SLC22A15: variants seen among roughly 807,000 people sequenced by gnomAD.
SLC22A15 encodes the protein solute carrier family 22 member 15, also known as flipt 1.
A neutral mutation model predicts 62.7 loss-of-function variants in SLC22A15; 45 were observed. The ratio of observed to expected loss-of-function variants is 0.72; its 90% CI spans 0.56 to 0.92. SLC22A15 has a LOEUF of 0.92. SLC22A15 is among the 40% of genes least tolerant of loss of function. The pLI is 0.00. For synonymous variants in SLC22A15, 264 were observed against 267.0 expected (o/e 0.99, Z 0.11); for missense variants, 622 against 665.6 (o/e 0.93, Z 0.72).
At chr1:116,046,316 ACAC>A (rs1657929031) in intron 8 of SLC22A15, among the ~76,000 whole-genome samples, 1 of 152,228 alleles carries the variant, frequency 6.6e-6, no homozygotes, top group Non-Finnish European at 1.5e-5. Flanking sequence ...GAAAAGTAAG[ACAC>A]AAACTGGGAG....
Position 116,011,795 on chromosome 1 carries a change from G to C in SLC22A15, c.301-7787G>C, listed in dbSNP as rs1003646112. On this transcript the variant is annotated intron_variant, in intron 2 of 11. Coordinates refer to ENST00000369503, the MANE Select transcript of SLC22A15 (RefSeq NM_018420.3). Reference sequence around the variant, plus strand: ...GGGGGAGGAGGTGGGGATGCAAGTGGGGAGTGGGGAGAGGAGGGCACAGTG... The same window carrying C: ...GGGGGAGGAGGTGGGGATGCAAGTGCGGAGTGGGGAGAGGAGGGCACAGTG... 2.0e-5 allele frequency among the ~76,000 whole-genome samples: 3 copies of C among 152,288 alleles called. No homozygotes were observed. In the South Asian group the frequency reaches 6.2e-4, roughly 32 times the overall value.
intron 5 of SLC22A15, 68 bp downstream of exon 5, chr1:116,027,090 C>T: frequency 1.4e-6 from 2 of 1,448,984 alleles, no homozygotes; most frequent in Non-Finnish European, 9.6e-7. Flanking sequence ...GGATGTGGGT[C>T]AATGAGCAGC....
At chr1:116,033,966 CTCT>C (rs1570756532) in intron 6 of SLC22A15, among the ~76,000 whole-genome samples, 1 of 152,192 alleles carries the variant, frequency 6.6e-6, no homozygotes, top group Admixed American at 6.5e-5. Context: ...TTACATCTCT[CTCT>C]TCTTACATTA....
At chr1:116,003,005 T>C (rs1390649033) in intron 2 of SLC22A15, among the ~76,000 whole-genome samples, 2 of 152,212 alleles carry the variant, frequency 1.3e-5, no homozygotes, top group Non-Finnish European at 2.9e-5. Context: ...TGGTGACTGC[T>C]GCCTGGCTAC....
At chr1:116,017,890 C>T (rs1656619027) in intron 2 of SLC22A15, among the ~76,000 whole-genome samples, 1 of 152,178 alleles carries the variant, frequency 6.6e-6, no homozygotes, top group African/African-American at 2.4e-5. Flanking sequence ...TCATCTTTAA[C>T]ACATCACTAG....
intron 1 of SLC22A15, among the ~76,000 whole-genome samples, chr1:115,977,943 C>T (rs1040334633): frequency 2.0e-5 from 3 of 152,156 alleles, no homozygotes; most frequent in African/African-American, 7.2e-5. Flanking sequence ...CTTTTTCTAG[C>T]CGAACAGTTC....
intron 9 of SLC22A15, 99 bp from the exon 10 acceptor site, chr1:116,064,337 C>T (rs944594226): frequency 3.8e-6 from 3 of 781,994 alleles, no homozygotes; most frequent in African/African-American, 1.7e-5. Flanking sequence ...CCTGTGCTTC[C>T]ACTTCAGGAC....
At chr1:116,037,183 C>A in intron 7 of SLC22A15, 120 bp from the exon 8 acceptor site, 3 of 809,342 alleles carry the variant, frequency 3.7e-6, no homozygotes, top group Non-Finnish European at 4.1e-6. Context: ...TGCCACTTAG[C>A]CTTAAGAGGA....
At chr1:116,043,862 A>C (rs1272339106) in intron 8 of SLC22A15, among the ~76,000 whole-genome samples, 3 of 152,208 alleles carry the variant, frequency 2.0e-5, no homozygotes, top group Non-Finnish European at 4.4e-5. Flanking sequence ...TAAAATGGGC[A>C]AATTTCTTGA....
At chr1:116,038,780 CA>C (rs1177407632) in intron 8 of SLC22A15, among the ~76,000 whole-genome samples, 5 of 151,976 alleles carry the variant, frequency 3.3e-5, no homozygotes, top group African/African-American at 4.8e-5. Context: ...AATTCAGTTT[CA>C]TTTTTTTTTT....
chr1:115,982,161 C>G (rs1654640124), intron 1 of SLC22A15, among the ~76,000 whole-genome samples: 1 of 152,216 alleles, frequency 6.6e-6, no homozygotes, highest in African/African-American at 2.4e-5. Flanking sequence ...AAAAGACTCT[C>G]AAATCCAAAG....
At chr1:116,029,767 C>CA (rs1657301218) in intron 5 of SLC22A15, among the ~76,000 whole-genome samples, 1 of 152,120 alleles carries the variant, frequency 6.6e-6, no homozygotes, top group African/African-American at 2.4e-5. Context: ...TTTGAAAACA[C>CA]AGAGAGGCTA....
chr1:116,025,013 G>C (rs1657020480), intron 4 of SLC22A15, among the ~76,000 whole-genome samples: 1 of 151,804 alleles, frequency 6.6e-6, no homozygotes, highest in Non-Finnish European at 1.5e-5. Context: ...TTTTTTTGAG[G>C]TTAATAAATA....
chr1:116,062,422 G>A (rs1658406655), intron 8 of SLC22A15, among the ~76,000 whole-genome samples: 1 of 152,146 alleles, frequency 6.6e-6, no homozygotes, highest in South Asian at 2.1e-4. Flanking sequence ...AGAAAGGAGA[G>A]TCAAGTTACA....
chr1:116,056,003 C>G (rs12076538), intron 8 of SLC22A15, among the ~76,000 whole-genome samples: 105,474 of 107,458 alleles, frequency 0.98, 51,835 homozygotes, highest in East Asian at 1. Context: ...CACAAGACAG[C>G]GATGCCCTCT....
chr1:115,979,904 A>G (rs1208310893), intron 1 of SLC22A15, among the ~76,000 whole-genome samples: 2 of 152,022 alleles, frequency 1.3e-5, no homozygotes, highest in Non-Finnish European at 2.9e-5. Context: ...TATAACAAGC[A>G]TTCACCAGCA....
intron 2 of SLC22A15, among the ~76,000 whole-genome samples, chr1:116,003,310 C>T (rs1336942849): frequency 6.6e-6 from 1 of 152,262 alleles, no homozygotes; most frequent in East Asian, 1.9e-4. Context: ...AGGGGCAGTA[C>T]AAGCACTCCC....
intron 8 of SLC22A15, among the ~76,000 whole-genome samples, chr1:116,058,966 A>G (rs182922372): frequency 8.5e-5 from 13 of 152,288 alleles, no homozygotes; most frequent in Non-Finnish European, 1.6e-4. Flanking sequence ...CTTGGAGGGA[A>G]GCGGGGCAAG....
At chr1:115,997,947 T>G (rs1035259394) in intron 2 of SLC22A15, among the ~76,000 whole-genome samples, 3 of 141,924 alleles carry the variant, frequency 2.1e-5, no homozygotes, top group Admixed American at 7.2e-5. Flanking sequence ...GCTTTTATTA[T>G]GTTGAGGCAT....
Sources: allele counts gnomAD v4.1 joint callset (sites outside exome capture counted in the v4.1 genomes callset), GRCh38; gene constraint gnomAD v4.1.1; transcripts MANE v1.5; gene names NCBI Gene and HGNC (gene_info 2026-07-23, HGNC 2026-07-21).